CTNND2: variants seen among roughly 807,000 people sequenced by gnomAD.
The protein encoded by CTNND2 is catenin delta-2.
Under a neutral mutation model 144.4 loss-of-function variants are expected in CTNND2, and 22 were observed. The observed-to-expected ratio is 0.15, with a 90% CI of 0.11 to 0.22. The LOEUF (loss-of-function observed/expected upper bound fraction) is 0.22, where lower values mean the gene tolerates loss of function less well. Among genes scored for constraint, CTNND2 ranks in the 10% least tolerant of loss-of-function variants. The pLI, the probability that CTNND2 is intolerant of heterozygous loss-of-function variation, is 1.00. For synonymous variants in CTNND2, 751 were observed against 695.6 expected (o/e 1.08, Z -1.25); for missense variants, 1,353 against 1,618.8 (o/e 0.84, Z 2.82).
chr5:11,547,128 C>T (rs1249874001), intron 3 of CTNND2, among the ~76,000 whole-genome samples: 1 of 151,922 alleles, frequency 6.6e-6, no homozygotes, highest in East Asian at 1.9e-4. Flanking sequence ...AATTAGCGGG[C>T]ATGGTGGCAG....
At chr5:11,805,089 G>T in intron 1 of CTNND2, among the ~76,000 whole-genome samples, 1 of 152,120 alleles carries the variant, frequency 6.6e-6, no homozygotes, top group African/African-American at 2.4e-5. Context: ...CTTCTCTACT[G>T]TCACTGAACA....
chr5:11,902,959 A>G (rs1323026367), intron 1 of CTNND2: 1 of 155,148 alleles, frequency 6.4e-6, no homozygotes, highest in Non-Finnish European at 1.4e-5. Flanking sequence ...TCCTACCACA[A>G]ACACCAGGGA....
chr5:11,119,016 T>A (rs762251053), intron 12 of CTNND2, among the ~76,000 whole-genome samples: 12 of 152,192 alleles, frequency 7.9e-5, no homozygotes, highest in Non-Finnish European at 1.6e-4. Context: ...ACCATTGATT[T>A]TGTATTGGAA....
chr5:11,424,011 A>T (rs779059164), intron 3 of CTNND2, among the ~76,000 whole-genome samples: 2 of 152,210 alleles, frequency 1.3e-5, no homozygotes, highest in South Asian at 4.1e-4. Context: ...GGTGTTATAG[A>T]TCTTTACTTC....
chr5:11,095,050 C>T (rs1751197101), intron 15 of CTNND2, among the ~76,000 whole-genome samples: 1 of 152,334 alleles, frequency 6.6e-6, no homozygotes, highest in Non-Finnish European at 1.5e-5. Context: ...AATTATCATA[C>T]TTCTTCCATA....
chr5:11,342,395 T>G (rs558757031), intron 9 of CTNND2, among the ~76,000 whole-genome samples: 3 of 152,324 alleles, frequency 2.0e-5, no homozygotes, highest in African/African-American at 7.2e-5. Flanking sequence ...CGACTGAAAG[T>G]GCAGCTGCTA....
chr5:11,241,409 A>G (rs1207676179), intron 9 of CTNND2, among the ~76,000 whole-genome samples: 1 of 152,176 alleles, frequency 6.6e-6, no homozygotes, highest in African/African-American at 2.4e-5. Context: ...TGGAAGGTGA[A>G]CGTAAGTTAG....
intron 12 of CTNND2, among the ~76,000 whole-genome samples, chr5:11,121,476 G>C (rs1045786027): frequency 1.3e-5 from 2 of 152,112 alleles, no homozygotes; most frequent in African/African-American, 4.8e-5. Context: ...ATCCTTATTA[G>C]TAACCTTTAC....
intron 9 of CTNND2, among the ~76,000 whole-genome samples, chr5:11,331,885 T>C (rs970133182): frequency 2.0e-5 from 3 of 152,196 alleles, no homozygotes; most frequent in Non-Finnish European, 4.4e-5. Context: ...AACAATATTA[T>C]ATGGTATATT....
At chr5:11,754,065 C>T (rs557616268) in intron 1 of CTNND2, among the ~76,000 whole-genome samples, 1 of 151,460 alleles carries the variant, frequency 6.6e-6, no homozygotes, top group South Asian at 2.1e-4. Flanking sequence ...GTTCCTCTCT[C>T]TTTTATTATT....
At chr5:11,296,176 A>T (rs1748967308) in intron 9 of CTNND2, among the ~76,000 whole-genome samples, 1 of 151,974 alleles carries the variant, frequency 6.6e-6, no homozygotes, top group Non-Finnish European at 1.5e-5. Flanking sequence ...GTTGAAGGAT[A>T]TGAACAGACA....
intron 14 of CTNND2, 59 bp downstream of exon 14, chr5:11,110,799 T>C (rs1752885378): frequency 4.0e-6 from 6 of 1,496,934 alleles, no homozygotes; most frequent in Admixed American, 3.5e-5. Flanking sequence ...ATTGAGGATA[T>C]ATTACAGTTG....
chr5:11,078,274 G>T (rs1749160016), intron 16 of CTNND2, among the ~76,000 whole-genome samples: 1 of 152,034 alleles, frequency 6.6e-6, no homozygotes, highest in South Asian at 2.1e-4. Flanking sequence ...AAACCACTTG[G>T]GTACAGTATT....
chr5:11,760,359 G>T (rs1027647643), intron 1 of CTNND2, among the ~76,000 whole-genome samples: 1 of 151,864 alleles, frequency 6.6e-6, no homozygotes, highest in African/African-American at 2.4e-5. Flanking sequence ...CTGGTTAAGG[G>T]GCCTATTACC....
At chr5:11,265,402 C>T (rs1011892378) in intron 9 of CTNND2, among the ~76,000 whole-genome samples, 5 of 152,114 alleles carry the variant, frequency 3.3e-5, no homozygotes, top group Non-Finnish European at 7.4e-5. Context: ...TTCTGGGGCA[C>T]ACAGGAGAAA....
intron 2 of CTNND2, among the ~76,000 whole-genome samples, chr5:11,676,260 T>C (rs1275975070): frequency 6.6e-6 from 1 of 152,206 alleles, no homozygotes; most frequent in Non-Finnish European, 1.5e-5. Flanking sequence ...CTTAAGTCCA[T>C]ATTACAGCTT....
At chr5:11,656,965 TA>T (rs1300288280) in intron 2 of CTNND2, among the ~76,000 whole-genome samples, 1 of 152,116 alleles carries the variant, frequency 6.6e-6, no homozygotes, top group African/African-American at 2.4e-5. Context: ...GGCTTTGAGT[TA>T]GGAATATCAG....
chr5:11,049,264 C>T (rs906191297), intron 16 of CTNND2, among the ~76,000 whole-genome samples: 4 of 152,106 alleles, frequency 2.6e-5, no homozygotes, highest in African/African-American at 9.7e-5. Context: ...AACGTCATGC[C>T]TCATGGGCTT....
chr5:11,297,353 G>C (rs1404378037), intron 9 of CTNND2, among the ~76,000 whole-genome samples: 2 of 152,182 alleles, frequency 1.3e-5, no homozygotes, highest in Non-Finnish European at 2.9e-5. Flanking sequence ...GCATCTGTGT[G>C]TAGCCAGATC....
Sources: allele counts gnomAD v4.1 joint callset (sites outside exome capture counted in the v4.1 genomes callset), GRCh38; gene constraint gnomAD v4.1.1; transcripts MANE v1.5; gene names NCBI Gene and HGNC (gene_info 2026-07-23, HGNC 2026-07-21).